The following CRYL1 variants were observed in gnomAD, a reference collection of about 807,000 sequenced individuals.
CRYL1 encodes lambda-crystallin homolog.
Under a neutral mutation model 36.6 loss-of-function variants are expected in CRYL1, and 29 were observed. That is an observed-to-expected ratio of 0.79 (90% CI 0.59 to 1.08). The LOEUF (loss-of-function observed/expected upper bound fraction) is 1.08, where lower values mean the gene tolerates loss of function less well. Among genes scored for constraint, CRYL1 ranks in the 50% least tolerant of loss-of-function variants. CRYL1 has a pLI of 0.00. For missense variants in CRYL1, 411 were observed against 407.9 expected (o/e 1.01, Z -0.06); for synonymous variants, 152 against 151.5 (o/e 1.00, Z -0.02).
At chr13:20,492,593 C>T (rs570524196) in intron 2 of CRYL1, among the ~76,000 whole-genome samples, 59 of 152,284 alleles carry the variant, frequency 3.9e-4, no homozygotes, top group Non-Finnish European at 7.6e-4. Flanking sequence ...CCACCTGTTT[C>T]TGCCATCATG....
chr13:20,475,234 C>A (rs1308600685), intron 3 of CRYL1, among the ~76,000 whole-genome samples: 1 of 152,178 alleles, frequency 6.6e-6, no homozygotes, highest in Non-Finnish European at 1.5e-5. Flanking sequence ...CCCCATCACA[C>A]CCCGTGTCTC....
chr13:20,472,699 A>C (rs1008860031), intron 3 of CRYL1, among the ~76,000 whole-genome samples: 2 of 152,194 alleles, frequency 1.3e-5, no homozygotes, highest in Admixed American at 1.3e-4. Flanking sequence ...GAGGCCTGGG[A>C]CTGGCTCACT....
At position 20,433,598 on chromosome 13, in the gene CRYL1, C is replaced by T. The variant is rs554474663; in HGVS notation, c.439-1302G>A. On this transcript the variant is annotated intron_variant, in intron 4 of 7. Transcript: ENST00000298248. ...ATAGACAGATGGTAAATCGATGCCT[C>T]GGTTAAACACCTGTCACCTACTGAA... Among the ~76,000 whole-genome samples, 97 of 152,278 alleles carry T rather than the reference C, an allele frequency of 6.4e-4. 1 individual carries two copies. The highest frequency in any genetic ancestry group is 2.1e-3 in the African/African-American group (87 of 41,562).
intron 3 of CRYL1, 94 bp from the exon 4 acceptor site, chr13:20,439,848 C>A: frequency 8.0e-7 from 1 of 1,247,208 alleles, no homozygotes; most frequent in Admixed American, 2.0e-5. Context: ...AAATGAACCA[C>A]TTTGAAAATG....
intron 3 of CRYL1, among the ~76,000 whole-genome samples, chr13:20,484,077 A>G (rs545444547): frequency 6.6e-6 from 1 of 152,194 alleles, no homozygotes; most frequent in African/African-American, 2.4e-5. Flanking sequence ...TGGCCTCCCA[A>G]AGTGCTGGGA....
chr13:20,507,890 C>G (rs1371022437), intron 2 of CRYL1, among the ~76,000 whole-genome samples: 1 of 150,896 alleles, frequency 6.6e-6, no homozygotes, highest in Non-Finnish European at 1.5e-5. Flanking sequence ...TGCACTCCAG[C>G]CTGGGCAACA....
At chr13:20,473,394 T>C (rs1401256897) in intron 3 of CRYL1, among the ~76,000 whole-genome samples, 2 of 152,212 alleles carry the variant, frequency 1.3e-5, no homozygotes, top group Non-Finnish European at 2.9e-5. Flanking sequence ...AACAAACAAA[T>C]GAACAATTAT....
At chr13:20,459,790 G>A (rs1313278985) in intron 3 of CRYL1, among the ~76,000 whole-genome samples, 1 of 152,094 alleles carries the variant, frequency 6.6e-6, no homozygotes, top group Non-Finnish European at 1.5e-5. Context: ...AAACCCCCAT[G>A]ACATGCAATT....
At chr13:20,467,114 ATTT>A (rs34482050) in intron 3 of CRYL1, among the ~76,000 whole-genome samples, 1 of 143,958 alleles carries the variant, frequency 6.9e-6, no homozygotes, top group Non-Finnish European at 1.5e-5. Context: ...CGCCCGGCTG[ATTT>A]TTTTTTTTTT....
At chr13:20,467,681 C>T (rs1197090620) in intron 3 of CRYL1, among the ~76,000 whole-genome samples, 10 of 152,268 alleles carry the variant, frequency 6.6e-5, no homozygotes, top group South Asian at 2.1e-4. Flanking sequence ...ATTAGCCGGG[C>T]GTGGTGGCAC....
At chr13:20,459,130 G>GA (rs1243166716) in intron 3 of CRYL1, among the ~76,000 whole-genome samples, 2 of 151,640 alleles carry the variant, frequency 1.3e-5, no homozygotes, top group Non-Finnish European at 2.9e-5. Context: ...CGGCTACTCG[G>GA]GAGGCTGAGG....
chr13:20,405,340 C>A (rs2031341646), intron 6 of CRYL1, among the ~76,000 whole-genome samples: 1 of 152,106 alleles, frequency 6.6e-6, no homozygotes, highest in Non-Finnish European at 1.5e-5. Flanking sequence ...CTCATGGGAC[C>A]CTCCGGTTGG....
chr13:20,439,524 A>G (rs2032306233), intron 4 of CRYL1, 69 bp downstream of exon 4: 43 of 1,036,468 alleles, frequency 4.1e-5, no homozygotes, highest in East Asian at 6.4e-5. Flanking sequence ...CAAAAAAAAA[A>G]AAAAAAGAAA....
intron 3 of CRYL1, among the ~76,000 whole-genome samples, chr13:20,459,583 T>C (rs959367437): frequency 7.2e-5 from 11 of 152,152 alleles, no homozygotes; most frequent in African/African-American, 1.7e-4. Flanking sequence ...ATAATCCTAA[T>C]TGAATTAACG....
chr13:20,420,953 T>G (rs2031796317), intron 5 of CRYL1, among the ~76,000 whole-genome samples: 1 of 152,032 alleles, frequency 6.6e-6, no homozygotes, highest in South Asian at 2.1e-4. Flanking sequence ...CAGGATGGTC[T>G]CGATCTCCTG....
intron 2 of CRYL1, among the ~76,000 whole-genome samples, chr13:20,493,454 G>T (rs758435338): frequency 7.9e-5 from 12 of 152,214 alleles, no homozygotes; most frequent in Non-Finnish European, 1.5e-4. Context: ...GAGCTCAGGA[G>T]TTTGAGACCA....
chr13:20,424,719 G>T (rs1215292055), intron 5 of CRYL1, among the ~76,000 whole-genome samples: 1 of 152,182 alleles, frequency 6.6e-6, no homozygotes, highest in Non-Finnish European at 1.5e-5. Context: ...TGCAGAGCCC[G>T]CACAGGCCTA....
At position 20,489,467 on chromosome 13, in the gene CRYL1, C is replaced by G. The variant is rs988795338; in HGVS notation, c.179G>C (p.Gly60Ala). ...RKEMKLLEQA[G>A]SLKGSLSVEE... ...CACACTCAGGGAGCCTTTCAGAGAA[C>G]CTGCCTGCTCCAGCAACTTCATCTC... is the stretch of plus-strand genomic sequence containing the variant. Residue 60 changes from glycine (G) to alanine (A), a missense_variant, in exon 3 of 8, where the codon GGT (glycine) becomes GCT (alanine). Coordinates refer to ENST00000298248, the MANE Select transcript of CRYL1 (RefSeq NM_015974.3). 2.5e-6 allele frequency: 4 copies of G among 1,613,336 alleles called. No individual in the cohort carries two copies. In the African/African-American group the frequency reaches 5.3e-5, roughly 22 times the overall value.
In CRYL1 at chr13:20,439,587, A is replaced by G. The variant is rs1006883211; in HGVS notation, c.438+6T>C. On this transcript the variant is annotated splice_donor_region_variant and intron_variant, in intron 4 of 7. Coordinates refer to ENST00000298248, the MANE Select transcript of CRYL1 (RefSeq NM_015974.3). Reference sequence around the variant, plus strand: ...ACAATCAATCCTCTGGATTTAAAATACTCACAGGATGAGCCACGATGCATT... The same window carrying G: ...ACAATCAATCCTCTGGATTTAAAATGCTCACAGGATGAGCCACGATGCATT... 5.6e-6 allele frequency: 9 copies of G among 1,609,118 alleles called. No individual in the cohort carries two copies. The highest frequency in any genetic ancestry group is 7.6e-6 in the Non-Finnish European group (9 of 1,177,466).
Sources: allele counts gnomAD v4.1 joint callset (sites outside exome capture counted in the v4.1 genomes callset), GRCh38; gene constraint gnomAD v4.1.1; transcripts MANE v1.5; gene names NCBI Gene and HGNC (gene_info 2026-07-23, HGNC 2026-07-21).